The following PLEKHM3 variants were observed in gnomAD, a reference collection of about 807,000 sequenced individuals.
The protein encoded by PLEKHM3 is pleckstrin homology domain-containing family M member 3.
A neutral mutation model predicts 81.8 loss-of-function variants in PLEKHM3; 45 were observed. The ratio of observed to expected loss-of-function variants is 0.55; its 90% CI spans 0.43 to 0.71. The LOEUF (loss-of-function observed/expected upper bound fraction) is 0.71. Ranked by LOEUF, PLEKHM3 falls within the 30% of genes least tolerant of loss-of-function variation. PLEKHM3 has a pLI of 0.00. For missense variants in PLEKHM3, 788 were observed against 924.3 expected (o/e 0.85, Z 1.91); for synonymous variants, 352 against 356.4 (o/e 0.99, Z 0.14).
rs192152993 is a variant in PLEKHM3 at position 208,012,789 on chromosome 2, G to A, written c.-318-10832C>T. ...CTGCTCCCATCTACCTGAGAAAGCA[G>A]AGAAGCACAAATGTGGACAAAGTAT... is the stretch of plus-strand genomic sequence containing the variant. On this transcript the variant is annotated intron_variant, in intron 1 of 7. Transcript: ENST00000427836. 1.6e-3 allele frequency among the ~76,000 whole-genome samples: 251 copies of A among 152,338 alleles called. 3 individuals are homozygous for A. The highest frequency in any genetic ancestry group is 0.015 in the Admixed American group (232 of 15,306).
At chr2:207,901,721 T>A (rs527706222) in intron 6 of PLEKHM3, among the ~76,000 whole-genome samples, 6 of 152,234 alleles carry the variant, frequency 3.9e-5, no homozygotes, top group Non-Finnish European at 8.8e-5. Flanking sequence ...GTGCATTCAT[T>A]TTTTGAAAAC....
chr2:207,982,159 G>A (rs1691548724), intron 2 of PLEKHM3, among the ~76,000 whole-genome samples: 1 of 152,086 alleles, frequency 6.6e-6, no homozygotes, highest in African/African-American at 2.4e-5. Flanking sequence ...CCACCATGGT[G>A]CACCTGTCAG....
chr2:207,929,880 T>C lies in PLEKHM3; in HGVS notation c.1886+1046A>G, dbSNP rs1039314490. 2.1e-5 allele frequency: 15 copies of C among 698,604 alleles called. No homozygotes were observed. In the African/African-American group the frequency reaches 2.5e-4, roughly 11 times the overall value. The allele number at this position is 698,604 out of a possible 1,614,324, so 43.3% of individuals were successfully genotyped here. A position where few individuals can be genotyped will look rare whatever the true frequency, so the allele number is the denominator to read the frequency against. On this transcript the variant is annotated intron_variant, in intron 5 of 7. Transcript: ENST00000427836. ...CACTTCAATACTTTCCAAAAGTTCT[T>C]AGGCAGGTAGGCTTACCTCCAAAAA...
chr2:207,853,278 G>C (rs760171797), intron 7 of PLEKHM3, among the ~76,000 whole-genome samples: 4 of 151,952 alleles, frequency 2.6e-5, no homozygotes, highest in Admixed American at 6.6e-5. Context: ...TTAGCCGAGT[G>C]TCTTGGCACA....
At chr2:207,909,072 G>A (rs566852158) in intron 5 of PLEKHM3, among the ~76,000 whole-genome samples, 17 of 152,204 alleles carry the variant, frequency 1.1e-4, no homozygotes, top group African/African-American at 2.9e-4. Flanking sequence ...AGGCTTCTAC[G>A]GCTTTCATTA....
chr2:207,939,775 G>A (rs1689873950), intron 4 of PLEKHM3, among the ~76,000 whole-genome samples: 1 of 152,188 alleles, frequency 6.6e-6, no homozygotes, highest in South Asian at 2.1e-4. Flanking sequence ...TTAAAGGCAG[G>A]AAGCGCAAAT....
rs2092228633 is a variant in PLEKHM3, at chr2:207,823,113, TCA to T, written c.*5204_*5205del. 1 of 152,002 alleles carries T rather than the reference TCA, an allele frequency of 6.6e-6. No individual in the cohort carries two copies. The highest frequency in any genetic ancestry group is 2.4e-5 in the African/African-American group (1 of 41,334). 9.4% of individuals were successfully genotyped at this position (152,002 alleles called of 1,614,324 possible). A position where few individuals can be genotyped will look rare whatever the true frequency, so the allele number is the denominator to read the frequency against. On this transcript the variant is annotated 3_prime_UTR_variant, in exon 8 of 8. Coordinates refer to ENST00000427836, the MANE Select transcript of PLEKHM3 (RefSeq NM_001080475.3). ...CCAGCTTCATTCAAAGTCTGGAACT[TCA>T]TTCAAAGTCTGGAACTTCATTCAAA...
intron 1 of PLEKHM3, among the ~76,000 whole-genome samples, chr2:208,011,376 G>T (rs1692686539): frequency 6.6e-6 from 1 of 151,930 alleles, no homozygotes; most frequent in African/African-American, 2.4e-5. Context: ...GAAACTGTGA[G>T]ATATATATAT....
chr2:208,022,788 A>T (rs1693169432), intron 1 of PLEKHM3, among the ~76,000 whole-genome samples: 1 of 152,170 alleles, frequency 6.6e-6, no homozygotes, highest in African/African-American at 2.4e-5. Flanking sequence ...TTTAAATTAA[A>T]CTGTGCCACA....
intron 7 of PLEKHM3, among the ~76,000 whole-genome samples, chr2:207,834,320 G>C (rs1193184249): frequency 6.6e-6 from 1 of 151,378 alleles, no homozygotes; most frequent in Non-Finnish European, 1.5e-5. Flanking sequence ...AGTAGAGATA[G>C]GGTTTCTCCA....
chr2:207,989,815 C>T (rs985664991), intron 2 of PLEKHM3, among the ~76,000 whole-genome samples: 20 of 152,180 alleles, frequency 1.3e-4, no homozygotes, highest in African/African-American at 3.4e-4. Flanking sequence ...AACTTAGTTG[C>T]GTAGCAGCAA....
At chr2:207,923,855 G>GCGCACACACACA (rs1257171999) in intron 5 of PLEKHM3, among the ~76,000 whole-genome samples, 3 of 18,916 alleles carry the variant, frequency 1.6e-4, no homozygotes, top group African/African-American at 4.2e-4. Context: ...ACACACGCAC[G>GCGCACACACACA]CACACACACA....
chr2:207,856,441 C>T (rs1469911080), intron 7 of PLEKHM3, among the ~76,000 whole-genome samples: 1 of 152,188 alleles, frequency 6.6e-6, no homozygotes, highest in Non-Finnish European at 1.5e-5. Context: ...GTTTCACTGT[C>T]CTACAAATCT....
At chr2:207,899,227 C>T (rs1243814693) in intron 6 of PLEKHM3, among the ~76,000 whole-genome samples, 2 of 152,222 alleles carry the variant, frequency 1.3e-5, no homozygotes, top group African/African-American at 2.4e-5. Context: ...AGCCCTCAAA[C>T]ATCTGAATAG....
At chr2:207,966,279 G>A (rs1353208339) in intron 3 of PLEKHM3, among the ~76,000 whole-genome samples, 2 of 152,176 alleles carry the variant, frequency 1.3e-5, no homozygotes, top group Admixed American at 1.3e-4. Context: ...TAAATGACTT[G>A]TCTTAAGGTC....
At chr2:208,020,795 C>A (rs1328671923) in intron 1 of PLEKHM3, among the ~76,000 whole-genome samples, 1 of 152,294 alleles carries the variant, frequency 6.6e-6, no homozygotes, top group East Asian at 1.9e-4. Context: ...CTTTGGCCAG[C>A]AACCAATGGG....
intron 1 of PLEKHM3, among the ~76,000 whole-genome samples, chr2:208,013,292 C>A: frequency 6.6e-6 from 1 of 151,852 alleles, no homozygotes; most frequent in East Asian, 1.9e-4. Context: ...TCGAGGCAGG[C>A]AGATCACGAG....
At chr2:207,922,319 G>C (rs1689209861) in intron 5 of PLEKHM3, among the ~76,000 whole-genome samples, 1 of 152,132 alleles carries the variant, frequency 6.6e-6, no homozygotes, top group Non-Finnish European at 1.5e-5. Context: ...TATTTAAGGG[G>C]AAGTACTTTG....
At chr2:207,861,961 C>T (rs1367256209) in intron 6 of PLEKHM3, among the ~76,000 whole-genome samples, 1 of 152,120 alleles carries the variant, frequency 6.6e-6, no homozygotes, top group Non-Finnish European at 1.5e-5. Context: ...ATCCTGGCCA[C>T]GCGAGGGGGC....
Sources: gnomAD v4.1 joint callset for allele counts (sites outside exome capture counted in the v4.1 genomes callset) on GRCh38, gnomAD v4.1.1 for gene constraint, MANE v1.5 for transcripts, NCBI Gene and HGNC (gene_info 2026-07-23, HGNC 2026-07-21) for gene names.